ERBB4: variants seen among roughly 807,000 people sequenced by gnomAD.
The protein encoded by ERBB4 is erb-b2 receptor tyrosine kinase 4, also known as receptor tyrosine-protein kinase erbB-4.
Under a neutral mutation model 158.0 loss-of-function variants are expected in ERBB4, and 42 were observed. That is an observed-to-expected ratio of 0.27 (90% CI 0.21 to 0.34). The LOEUF is 0.34. Among genes scored for constraint, ERBB4 ranks in the 10% least tolerant of loss-of-function variants. The pLI is 1.00. For missense variants in ERBB4, 1,333 were observed against 1,624.1 expected (o/e 0.82, Z 3.08); for synonymous variants, 583 against 558.7 (o/e 1.04, Z -0.61).
intron 2 of ERBB4, among the ~76,000 whole-genome samples, chr2:211,997,756 A>G (rs2082234192): frequency 6.6e-6 from 1 of 152,038 alleles, no homozygotes; most frequent in South Asian, 2.1e-4. Flanking sequence ...AACCATGTTG[A>G]CTGCATTACT....
chr2:212,184,516 C>T (rs1559681334), intron 1 of ERBB4, among the ~76,000 whole-genome samples: 1 of 152,036 alleles, frequency 6.6e-6, no homozygotes, highest in Non-Finnish European at 1.5e-5. Flanking sequence ...GTCCTAATCA[C>T]CTACCTGGCA....
rs746703003 is a variant in ERBB4 at position 211,420,617 on chromosome 2, A to G, written c.2965-6T>C. ...AGCTTCATACGATCATCACCCTAAA[A>G]GAAAGATTGCCCATCAGACACAAAT... On this transcript the variant is annotated splice_region_variant and splice_polypyrimidine_tract_variant and intron_variant, in intron 24 of 27. Transcript: ENST00000342788. The G allele has an allele frequency of 6.7e-7, 1 of 1,502,806 alleles. No individual in the cohort carries two copies. Among genetic ancestry groups the G allele is most frequent in the Non-Finnish European group, 8.8e-7 (1 of 1,138,668 alleles). The allele number at this position is 1,502,806 out of a possible 1,614,324, so 93.1% of individuals were successfully genotyped here.
At chr2:212,018,961 G>A (rs754486919) in intron 2 of ERBB4, among the ~76,000 whole-genome samples, 1 of 152,068 alleles carries the variant, frequency 6.6e-6, no homozygotes, top group Non-Finnish European at 1.5e-5. Flanking sequence ...ATTAAAAAGT[G>A]AGGGGGAGCG....
At position 212,206,589 on chromosome 2, in the gene ERBB4, C is replaced by CTTTTTTTTTTTTTT. The variant is rs5838309; in HGVS notation, c.83-81700_83-81687dup. The stretch of plus-strand genomic sequence containing the variant: ...ATGAACTGTCTCCGTCTGTTCTGTT[C>CTTTTTTTTTTTTTT]TTTTTTTTTTTTTTTTGAGACGGAG... On this transcript the variant is annotated intron_variant, in intron 1 of 27. Transcript: ENST00000342788. Among the ~76,000 whole-genome samples, 273 of 116,334 alleles carry CTTTTTTTTTTTTTT rather than the reference C, an allele frequency of 2.3e-3. 24 individuals are homozygous for CTTTTTTTTTTTTTT. Among genetic ancestry groups the CTTTTTTTTTTTTTT allele is most frequent in the Middle Eastern group, 0.012 (3 of 258 alleles). The allele number at this position is 116,334 out of a possible 152,430, so 76.3% of individuals were successfully genotyped here. A position where few individuals can be genotyped will look rare whatever the true frequency, so the allele number is the denominator to read the frequency against.
intron 2 of ERBB4, among the ~76,000 whole-genome samples, chr2:212,009,305 T>C (rs2076330564): frequency 6.6e-6 from 1 of 151,836 alleles, no homozygotes; most frequent in Admixed American, 6.6e-5. Context: ...CAGGTGTCCT[T>C]ATGAGATAAA....
intron 1 of ERBB4, among the ~76,000 whole-genome samples, chr2:212,389,965 T>C (rs1003962186): frequency 1.3e-5 from 2 of 151,770 alleles, no homozygotes; most frequent in African/African-American, 4.8e-5. Flanking sequence ...TCTGCTGTGC[T>C]CTCTAGAATA....
At chr2:211,443,275 C>T (rs2064031219) in intron 20 of ERBB4, among the ~76,000 whole-genome samples, 1 of 151,928 alleles carries the variant, frequency 6.6e-6, no homozygotes, top group South Asian at 2.1e-4. Context: ...TTTTCTATTG[C>T]TAATGATGAT....
intron 3 of ERBB4, among the ~76,000 whole-genome samples, chr2:211,825,096 T>A (rs907567916): frequency 6.6e-6 from 1 of 151,940 alleles, no homozygotes; most frequent in Non-Finnish European, 1.5e-5. Flanking sequence ...AGAACAGATA[T>A]AAATTTTTCC....
chr2:211,898,733 TTAAC>T (rs1360471877), intron 3 of ERBB4, among the ~76,000 whole-genome samples: 1 of 152,190 alleles, frequency 6.6e-6, no homozygotes, highest in Non-Finnish European at 1.5e-5. Flanking sequence ...AGGAAAATCA[TTAAC>T]TAATTTATAT....
intron 1 of ERBB4, among the ~76,000 whole-genome samples, chr2:212,537,691 G>A (rs911034419): frequency 2.6e-5 from 4 of 151,850 alleles, no homozygotes; most frequent in Non-Finnish European, 5.9e-5. Context: ...AACTCTTCCC[G>A]GAGCCAAACA....
rs1230470298 is a variant in ERBB4, at chr2:211,665,276, G to A, written c.1871+47C>T. The A allele has an allele frequency of 3.1e-6, 5 of 1,590,048 alleles. No individual in the cohort carries two copies. The East Asian group carries it at 6.7e-5, about 21-fold the overall frequency. The stretch of plus-strand genomic sequence containing the variant: ...GATGGTACCAGGGATAAAGATACAT[G>A]TGGATAACACATACCAGGTGAGCCC... On this transcript the variant is annotated intron_variant, in intron 15 of 27. Transcript: ENST00000342788.
intron 4 of ERBB4, among the ~76,000 whole-genome samples, chr2:211,772,987 T>G (rs2075756053): frequency 7.0e-6 from 1 of 142,932 alleles, no homozygotes; most frequent in South Asian, 2.3e-4. Context: ...TCCTACTCTG[T>G]TGCCCAGGTT....
At chr2:212,181,662 TAA>T (rs2081870235) in intron 1 of ERBB4, among the ~76,000 whole-genome samples, 2 of 151,854 alleles carry the variant, frequency 1.3e-5, no homozygotes, top group Middle Eastern at 3.4e-3. Flanking sequence ...ATATAAAAAA[TAA>T]GTCACAATTA....
At chr2:212,412,306 G>C (rs948971365) in intron 1 of ERBB4, among the ~76,000 whole-genome samples, 1 of 152,184 alleles carries the variant, frequency 6.6e-6, no homozygotes, top group Non-Finnish European at 1.5e-5. Flanking sequence ...TCCTGTGTTG[G>C]AGGTGGGGCC....
At chr2:212,228,563 C>T (rs931643720) in intron 1 of ERBB4, among the ~76,000 whole-genome samples, 2 of 152,036 alleles carry the variant, frequency 1.3e-5, no homozygotes, top group African/African-American at 2.4e-5. Flanking sequence ...TAGCACTGCC[C>T]AGAATTATAA....
At chr2:211,630,853 C>T (rs142433972) in intron 16 of ERBB4, among the ~76,000 whole-genome samples, 2 of 152,136 alleles carry the variant, frequency 1.3e-5, no homozygotes, top group African/African-American at 4.8e-5. Flanking sequence ...TCACAACATG[C>T]CATTTGATGA....
intron 1 of ERBB4, among the ~76,000 whole-genome samples, chr2:212,360,445 T>C (rs1037913826): frequency 4.6e-5 from 7 of 151,696 alleles, no homozygotes; most frequent in Non-Finnish European, 1.0e-4. Context: ...CCAAGTCTCA[T>C]ATCTGAATTC....
At chr2:212,365,216 T>A (rs1320107055) in intron 1 of ERBB4, among the ~76,000 whole-genome samples, 1 of 151,678 alleles carries the variant, frequency 6.6e-6, no homozygotes, top group African/African-American at 2.4e-5. Flanking sequence ...CAAAGATATA[T>A]AATCTATATA....
chr2:211,401,448 G>A (rs1335358737), intron 25 of ERBB4, among the ~76,000 whole-genome samples: 6 of 151,800 alleles, frequency 4.0e-5, no homozygotes, highest in African/African-American at 7.3e-5. Context: ...ATATATCTCA[G>A]AATTCATGAT....
Sources: allele counts gnomAD v4.1 joint callset (sites outside exome capture counted in the v4.1 genomes callset), GRCh38; gene constraint gnomAD v4.1.1; transcripts MANE v1.5; gene names NCBI Gene and HGNC (gene_info 2026-07-23, HGNC 2026-07-21).